PDGFD: variants seen among roughly 807,000 people sequenced by gnomAD.
The protein encoded by PDGFD is platelet-derived growth factor D.
Under a neutral mutation model 44.7 loss-of-function variants are expected in PDGFD, and 30 were observed. That is an observed-to-expected ratio of 0.67 (90% confidence interval 0.50 to 0.91). The LOEUF is 0.91. Ranked by LOEUF, PDGFD falls within the 40% of genes least tolerant of loss-of-function variation. The pLI is 0.00. For missense variants in PDGFD, 445 were observed against 457.8 expected (o/e 0.97, Z 0.25); for synonymous variants, 173 against 168.4 (o/e 1.03, Z -0.21).
chr11:104,154,550 A>G (rs1443611532), intron 1 of PDGFD, among the ~76,000 whole-genome samples: 1 of 152,140 alleles, frequency 6.6e-6, no homozygotes, highest in East Asian at 1.9e-4. Flanking sequence ...GGAGGAAGAG[A>G]CATTGAGTTG....
At chr11:104,078,258 C>T (rs61892465) in intron 1 of PDGFD, among the ~76,000 whole-genome samples, 184 of 152,310 alleles carry the variant, frequency 1.2e-3, no homozygotes, top group Non-Finnish European at 2.0e-3. Flanking sequence ...GTGCACCATA[C>T]AACAGCGGCA....
chr11:104,162,612 A>T (rs1332772991), intron 1 of PDGFD, among the ~76,000 whole-genome samples: 1 of 152,194 alleles, frequency 6.6e-6, no homozygotes, highest in East Asian at 1.9e-4. Flanking sequence ...TCAGGTGACG[A>T]GTACACTGAT....
intron 1 of PDGFD, among the ~76,000 whole-genome samples, chr11:104,080,792 A>G (rs1861034084): frequency 6.6e-6 from 1 of 152,200 alleles, no homozygotes; most frequent in Admixed American, 6.5e-5. Flanking sequence ...CATAAAAGAC[A>G]TTGCAGTTTC....
chr11:104,152,289 A>C (rs1862258531), intron 1 of PDGFD, among the ~76,000 whole-genome samples: 1 of 152,186 alleles, frequency 6.6e-6, no homozygotes, highest in Admixed American at 6.6e-5. Context: ...TTAATTAACA[A>C]ATGTTTACAA....
chr11:104,091,177 G>A (rs1861208619), intron 1 of PDGFD, among the ~76,000 whole-genome samples: 1 of 152,052 alleles, frequency 6.6e-6, no homozygotes, highest in Non-Finnish European at 1.5e-5. Flanking sequence ...ATGCGTATAG[G>A]CATACTATAG....
chr11:104,120,926 C>G (rs991644185), intron 1 of PDGFD, among the ~76,000 whole-genome samples: 8 of 151,992 alleles, frequency 5.3e-5, no homozygotes, highest in African/African-American at 1.9e-4. Context: ...TTCTCCTCCA[C>G]AGCTCAAATG....
chr11:104,089,177 G>A (rs1861175890), intron 1 of PDGFD, among the ~76,000 whole-genome samples: 2 of 152,142 alleles, frequency 1.3e-5, no homozygotes, highest in South Asian at 2.1e-4. Flanking sequence ...GTTTTGAACT[G>A]GATCCTGAAA....
chr11:104,034,724 G>C (rs1860192109), intron 1 of PDGFD, among the ~76,000 whole-genome samples: 1 of 151,370 alleles, frequency 6.6e-6, no homozygotes, highest in South Asian at 2.1e-4. Context: ...CTTACTGCAA[G>C]CTCCACCTCC....
intron 1 of PDGFD, among the ~76,000 whole-genome samples, chr11:104,014,985 T>C (rs532571832): frequency 2.0e-5 from 3 of 152,210 alleles, no homozygotes; most frequent in African/African-American, 7.2e-5. Flanking sequence ...TCATCCTAAG[T>C]ATGATCCCAC....
chr11:104,103,448 A>ATG (rs377722057), intron 1 of PDGFD, among the ~76,000 whole-genome samples: 3,769 of 122,716 alleles, frequency 0.031, 82 homozygotes, highest in African/African-American at 0.062. Context: ...ACAGACAATT[A>ATG]TGTGTGTGTG....
chr11:104,144,477 G>T (rs1290371069), intron 1 of PDGFD, among the ~76,000 whole-genome samples: 1 of 128,666 alleles, frequency 7.8e-6, no homozygotes, highest in African/African-American at 3.3e-5. Flanking sequence ...CTGCACTTTA[G>T]CCTGGGCAAT....
chr11:104,101,698 A>G (rs1424304455), intron 1 of PDGFD, among the ~76,000 whole-genome samples: 1 of 152,156 alleles, frequency 6.6e-6, no homozygotes, highest in Non-Finnish European at 1.5e-5. Flanking sequence ...TACAGTAACC[A>G]AAACAGCATG....
At chr11:104,112,001 C>A (rs1256655462) in intron 1 of PDGFD, among the ~76,000 whole-genome samples, 1 of 152,130 alleles carries the variant, frequency 6.6e-6, no homozygotes, top group Non-Finnish European at 1.5e-5. Flanking sequence ...ATACTTCAGT[C>A]TCAAATAAGA....
At chr11:103,988,222 AC>A (rs1859399278) in intron 3 of PDGFD, among the ~76,000 whole-genome samples, 3 of 152,094 alleles carry the variant, frequency 2.0e-5, no homozygotes, top group Non-Finnish European at 4.4e-5. Flanking sequence ...CCACAGATAT[AC>A]AGGAAAGGTT....
chr11:103,921,274 T>C, intron 6 of PDGFD, among the ~76,000 whole-genome samples: 1 of 152,322 alleles, frequency 6.6e-6, no homozygotes, highest in South Asian at 2.1e-4. Flanking sequence ...TTTATTATGG[T>C]TAGGTATAAT....
In PDGFD at chr11:103,907,814, G is replaced by C. The variant is rs575687733; in HGVS notation, c.*1880C>G. 1 of 152,150 alleles carries C rather than the reference G, an allele frequency of 6.6e-6. No individual in the cohort carries two copies. The highest frequency in any genetic ancestry group is 1.5e-5 in the Non-Finnish European group (1 of 68,034). 9.4% of individuals were successfully genotyped at this position (152,150 alleles called of 1,614,324 possible). On this transcript the variant is annotated 3_prime_UTR_variant, in exon 7 of 7. Transcript: ENST00000393158. ...AGAGGAAGAGCGTTCTTAATTATTA[G>C]TGTCTGCCTGAGCTATTTCTGATTG...
intron 1 of PDGFD, among the ~76,000 whole-genome samples, chr11:104,116,820 C>A (rs1360993023): frequency 1.3e-5 from 2 of 151,914 alleles, no homozygotes; most frequent in African/African-American, 4.8e-5. Context: ...ATAAGTCTCA[C>A]AAGATCTGAT....
chr11:104,107,250 CAAG>C (rs1468321368), intron 1 of PDGFD, among the ~76,000 whole-genome samples: 7 of 152,118 alleles, frequency 4.6e-5, no homozygotes, highest in Non-Finnish European at 8.8e-5. Context: ...AGGTAATAAA[CAAG>C]AAGCATCAAG....
At chr11:104,050,422 G>A (rs1860513624) in intron 1 of PDGFD, among the ~76,000 whole-genome samples, 1 of 152,130 alleles carries the variant, frequency 6.6e-6, no homozygotes, top group Admixed American at 6.5e-5. Context: ...TGAATTTCAG[G>A]CCAGTCCCGA....
Sources: allele counts gnomAD v4.1 joint callset (sites outside exome capture counted in the v4.1 genomes callset), GRCh38; gene constraint gnomAD v4.1.1; transcripts MANE v1.5; gene names NCBI Gene and HGNC (gene_info 2026-07-23, HGNC 2026-07-21).